Variants in ARHGEF7 observed in about 807,000 individuals in gnomAD.
ARHGEF7 encodes the protein Rho guanine nucleotide exchange factor 7.
Under a neutral mutation model 109.8 loss-of-function variants are expected in ARHGEF7, and 33 were observed. That is an observed-to-expected ratio of 0.30 (90% CI 0.23 to 0.40). ARHGEF7 has a LOEUF of 0.40. ARHGEF7 is among the 10% of genes least tolerant of loss of function. ARHGEF7 has a pLI of 1.00. For synonymous variants in ARHGEF7, 458 were observed against 424.6 expected (o/e 1.08, Z -0.97); for missense variants, 938 against 1,098.5 (o/e 0.85, Z 2.07).
intron 8 of ARHGEF7, among the ~76,000 whole-genome samples, chr13:111,259,399 CTCTG>C (rs2090840437): frequency 6.6e-6 from 1 of 152,192 alleles, no homozygotes; most frequent in Non-Finnish European, 1.5e-5. Flanking sequence ...ACACCCCTCT[CTCTG>C]TCTTTCTCTC....
chr13:111,208,128 C>T (rs2082100681), intron 3 of ARHGEF7, among the ~76,000 whole-genome samples: 1 of 152,186 alleles, frequency 6.6e-6, no homozygotes, highest in Non-Finnish European at 1.5e-5. Flanking sequence ...GCAACCTCCG[C>T]CTCCTGGATT....
At chr13:111,191,062 T>C (rs2079832211) in intron 2 of ARHGEF7, among the ~76,000 whole-genome samples, 1 of 151,606 alleles carries the variant, frequency 6.6e-6, no homozygotes, top group South Asian at 2.1e-4. Flanking sequence ...TCACTAGTGG[T>C]GGGGGCGCTG....
intron 13 of ARHGEF7, among the ~76,000 whole-genome samples, chr13:111,278,609 A>C (rs1379405741): frequency 6.6e-6 from 1 of 152,192 alleles, no homozygotes; most frequent in Non-Finnish European, 1.5e-5. Context: ...CAGACTCAGG[A>C]AAGTGAGGCT....
chr13:111,289,012 A>G (rs1388453497), intron 18 of ARHGEF7, among the ~76,000 whole-genome samples: 2 of 151,398 alleles, frequency 1.3e-5, no homozygotes, highest in Admixed American at 6.6e-5. Flanking sequence ...TAAATGAAAA[A>G]CTTTTTTCTA....
chr13:111,174,194 C>T (rs753180556), intron 2 of ARHGEF7, among the ~76,000 whole-genome samples: 4 of 152,182 alleles, frequency 2.6e-5, no homozygotes, highest in Non-Finnish European at 5.9e-5. Flanking sequence ...TTTATAGAGA[C>T]TGCTGAGATA....
At position 111,255,538 on chromosome 13, in the gene ARHGEF7, G is replaced by A. The variant is rs562848424; in HGVS notation, c.950+11244G>A. On this transcript the variant is annotated intron_variant, in intron 8 of 21. Transcript: ENST00000646102. This position sits in a 1 kb window ranked among gnomAD's most constrained non-coding sequence, Gnocchi z 4.1. ...CTCGGGGCCCTACTTGGCGTCTGGAGCTGAGTTCTCCTGCAGCCTCTGTTC... is the reference window on the plus strand; with the variant it reads ...CTCGGGGCCCTACTTGGCGTCTGGAACTGAGTTCTCCTGCAGCCTCTGTTC... Among the ~76,000 whole-genome samples, 15 of 152,230 alleles carry A rather than the reference G, an allele frequency of 9.9e-5. No individual in the cohort carries two copies. Among genetic ancestry groups the A allele is most frequent in the Non-Finnish European group, 1.9e-4 (13 of 68,046 alleles).
chr13:111,302,742 C>A, intron 21 of ARHGEF7, among the ~76,000 whole-genome samples: 1 of 152,166 alleles, frequency 6.6e-6, no homozygotes, highest in East Asian at 1.9e-4. Context: ...TATAGAGATT[C>A]ATTCATGGAC....
intron 3 of ARHGEF7, among the ~76,000 whole-genome samples, chr13:111,206,960 T>TAAAAAAAAAAA (rs35814705): frequency 4.3e-4 from 23 of 53,618 alleles, no homozygotes; most frequent in East Asian, 9.1e-4. Context: ...AGACTCCATC[T>TAAAAAAAAAAA]AAAAAAAAAA....
chr13:111,203,136 A>C lies in ARHGEF7; in HGVS notation c.253-2153A>C, dbSNP rs548845318. 2.5e-5 allele frequency: 32 copies of C among 1,271,052 alleles called. No homozygotes were observed. In the African/African-American group the frequency reaches 2.9e-4, roughly 12 times the overall value. The allele number at this position is 1,271,052 out of a possible 1,614,324, so 78.7% of individuals were successfully genotyped here. A position where few individuals can be genotyped will look rare whatever the true frequency, so the allele number is the denominator to read the frequency against. ...TATGAAGGTTAGTAGAAATTTATGTATGTATTTCTTTTTGTAGTATACAAA... is the reference window on the plus strand; with the variant it reads ...TATGAAGGTTAGTAGAAATTTATGTCTGTATTTCTTTTTGTAGTATACAAA... On this transcript the variant is annotated intron_variant, in intron 2 of 21. Coordinates refer to ENST00000646102, the MANE Select transcript of ARHGEF7 (RefSeq NM_001354046.2).
At chr13:111,192,024 C>CT (rs1345005748) in intron 2 of ARHGEF7, among the ~76,000 whole-genome samples, 1 of 152,120 alleles carries the variant, frequency 6.6e-6, no homozygotes, top group Non-Finnish European at 1.5e-5. Context: ...TTTCACTTAT[C>CT]TTTTTTAAGG....
intron 7 of ARHGEF7, 85 bp downstream of exon 7, chr13:111,244,051 A>G: frequency 7.5e-7 from 1 of 1,325,290 alleles, no homozygotes; most frequent in Non-Finnish European, 1.1e-6. Context: ...TAGAGGGTTA[A>G]ATAGTGAAAC....
intron 1 of ARHGEF7, among the ~76,000 whole-genome samples, chr13:111,117,961 G>A (rs2066912506): frequency 6.6e-6 from 1 of 152,254 alleles, no homozygotes; most frequent in African/African-American, 2.4e-5. Flanking sequence ...ATGTGAGTCT[G>A]AGGATGTTTT....
At chr13:111,301,605 T>C in intron 21 of ARHGEF7, 73 bp downstream of exon 21, 1 of 1,332,668 alleles carries the variant, frequency 7.5e-7, no homozygotes, top group Non-Finnish European at 1.1e-6. Context: ...ACATTAAAAA[T>C]AAGCTGGCTG....
intron 8 of ARHGEF7, among the ~76,000 whole-genome samples, chr13:111,247,664 A>G (rs2089117312): frequency 6.6e-6 from 1 of 151,952 alleles, no homozygotes; most frequent in South Asian, 2.1e-4. Context: ...CCTGTTGGTT[A>G]GACCCAGGAG....
At chr13:111,154,733 A>G (rs1328101793) in intron 2 of ARHGEF7, among the ~76,000 whole-genome samples, 1 of 152,164 alleles carries the variant, frequency 6.6e-6, no homozygotes, top group African/African-American at 2.4e-5. Flanking sequence ...TGCTATTGCG[A>G]TTCTTCCTAC....
At chr13:111,154,038 G>A (rs1029831701) in intron 2 of ARHGEF7, 47 bp downstream of exon 2, 3 of 1,551,542 alleles carry the variant, frequency 1.9e-6, no homozygotes, top group Non-Finnish European at 1.7e-6. Context: ...GGAAGACGGG[G>A]TTGGGCCCGG....
Position 111,216,814 on chromosome 13 carries a change from G to A in ARHGEF7, c.469-865G>A, listed in dbSNP as rs571105591. 4.6e-5 allele frequency among the ~76,000 whole-genome samples: 7 copies of A among 152,324 alleles called. No homozygotes were observed. The South Asian group carries it at 1.5e-3, about 32-fold the overall frequency. On this transcript the variant is annotated intron_variant, in intron 4 of 21. Transcript: ENST00000646102. ...GCTTCTCCTAGGGTTGTCAGGCTGT[G>A]CGCTTTGGTAGTTCTGCATCTCCAG...
At chr13:111,187,190 TTATG>T (rs1276527992) in intron 2 of ARHGEF7, among the ~76,000 whole-genome samples, 1 of 152,162 alleles carries the variant, frequency 6.6e-6, no homozygotes, top group Non-Finnish European at 1.5e-5. Flanking sequence ...TAATACATGT[TTATG>T]TGTGGGTTTG....
chr13:111,229,092 C>T (rs1009451336), intron 5 of ARHGEF7, among the ~76,000 whole-genome samples: 1 of 151,896 alleles, frequency 6.6e-6, no homozygotes, highest in African/African-American at 2.4e-5. Flanking sequence ...CTCCCCGGAC[C>T]TGGCCCTCGC....
Sources: allele counts gnomAD v4.1 joint callset (sites outside exome capture counted in the v4.1 genomes callset), GRCh38; gene constraint gnomAD v4.1.1; non-coding constraint Gnocchi (gnomAD v3.1); transcripts MANE v1.5; gene names NCBI Gene and HGNC (gene_info 2026-07-23, HGNC 2026-07-21).